The following TRIM14 variants were observed in gnomAD, a reference collection of about 807,000 sequenced individuals.
The protein encoded by TRIM14 is tripartite motif containing 14.
In TRIM14, 28 loss-of-function variants were observed where a neutral mutation model predicts 44.5. That is an observed-to-expected ratio of 0.63 (90% confidence interval 0.47 to 0.86). The LOEUF is 0.86. TRIM14 is among the 40% of genes least tolerant of loss of function. The pLI is 0.00. For synonymous variants in TRIM14, 299 were observed against 269.2 expected (o/e 1.11, Z -1.08); for missense variants, 607 against 611.1 (o/e 0.99, Z 0.07).
chr9:98,052,842 A>G, the TRIM14 span, among the ~76,000 whole-genome samples: 148 of 152,340 alleles, frequency 9.7e-4, no homozygotes, highest in African/African-American at 3.4e-3. Flanking sequence ...AGGACAGCCA[A>G]TATTTCTGGC....
At chr9:98,107,257 G>A (rs972947310) in intron 2 of TRIM14, among the ~76,000 whole-genome samples, 2 of 152,164 alleles carry the variant, frequency 1.3e-5, no homozygotes, top group Non-Finnish European at 2.9e-5. Context: ...ACAGGCAGGT[G>A]CCATATGACC....
At chr9:98,065,483 ATTTTTTTTTTTTTTT>A (rs397837187), downstream of TRIM14, among the ~76,000 whole-genome samples, 5 of 58,650 alleles carry the variant, frequency 8.5e-5, no homozygotes, top group Admixed American at 2.7e-4. Flanking sequence ...TGCCCAGCTA[ATTTTTTTTTTTTTTT>A]TTTTTTTTTT....
chr9:98,058,243 A>G, the TRIM14 span, among the ~76,000 whole-genome samples: 3 of 152,104 alleles, frequency 2.0e-5, no homozygotes, highest in African/African-American at 7.2e-5. Context: ...GACTGGTTTT[A>G]TGGAAACCTA....
intron 1 of TRIM14, among the ~76,000 whole-genome samples, chr9:98,111,420 C>CAAACA (rs143335537): frequency 0.11 from 16,606 of 151,228 alleles, 2,717 homozygotes; most frequent in African/African-American, 0.36. Context: ...CAAAAAACAA[C>CAAACA]AAACAAAACA....
At chr9:98,072,363 C>A (rs1829376053) in intron 6 of TRIM14, among the ~76,000 whole-genome samples, 1 of 151,884 alleles carries the variant, frequency 6.6e-6, no homozygotes, top group Non-Finnish European at 1.5e-5. Context: ...GCCTTTTGTC[C>A]CCAGCTAGTC....
At chr9:98,111,979 CATGTT>C (rs1485433049) in intron 1 of TRIM14, among the ~76,000 whole-genome samples, 1 of 151,928 alleles carries the variant, frequency 6.6e-6, no homozygotes, top group African/African-American at 2.4e-5. Context: ...AACTTAATAT[CATGTT>C]ATGTTAAATG....
chr9:98,050,457 C>G, the TRIM14 span, among the ~76,000 whole-genome samples: 3 of 152,134 alleles, frequency 2.0e-5, no homozygotes, highest in Non-Finnish European at 2.9e-5. Context: ...CTGGAACCTC[C>G]TGTTTACAGA....
intron 6 of TRIM14, among the ~76,000 whole-genome samples, chr9:98,078,950 T>C (rs765966359): frequency 5.9e-5 from 9 of 152,214 alleles, no homozygotes; most frequent in Non-Finnish European, 1.0e-4. Flanking sequence ...TATTCATCTT[T>C]TTTCATACTG....
At chr9:98,051,814 G>A in the TRIM14 span, among the ~76,000 whole-genome samples, 1 of 150,592 alleles carries the variant, frequency 6.6e-6, no homozygotes, top group Non-Finnish European at 1.5e-5. Context: ...TTCTACTGTG[G>A]ATTTCATTGC....
chr9:98,085,809 G>A lies in TRIM14; in HGVS notation c.*1661C>T, dbSNP rs1291511938. 1 of 152,142 alleles carries A rather than the reference G, an allele frequency of 6.6e-6. No homozygotes were observed. Among genetic ancestry groups the A allele is most frequent in the Admixed American group, 6.5e-5 (1 of 15,276 alleles). The allele number at this position is 152,142 out of a possible 1,614,324, so 9.4% of individuals were successfully genotyped here. ...TTTAACTCAAAAACTATTGAAAATT[G>A]TCAGTTTTATATGGTTCAAACTAAT... On this transcript the variant is annotated 3_prime_UTR_variant, in exon 6 of 6. Transcript: ENST00000341469.
At chr9:98,118,080 C>G (rs1057108835) in intron 1 of TRIM14, among the ~76,000 whole-genome samples, 1 of 152,086 alleles carries the variant, frequency 6.6e-6, no homozygotes, top group East Asian at 1.9e-4. Flanking sequence ...CGGAGAAAGG[C>G]TCACGATGGG....
intron 2 of TRIM14, among the ~76,000 whole-genome samples, chr9:98,105,793 G>C (rs1164612258): frequency 1.3e-5 from 2 of 152,144 alleles, no homozygotes; most frequent in African/African-American, 4.8e-5. Context: ...CCAGCTGAGA[G>C]TGGAAAGGAG....
chr9:98,043,540 G>C, the TRIM14 span, among the ~76,000 whole-genome samples: 5 of 151,908 alleles, frequency 3.3e-5, no homozygotes, highest in African/African-American at 1.2e-4. Context: ...AATTCAGAGA[G>C]GAAAAAGTCT....
At chr9:98,058,201 G>A in the TRIM14 span, among the ~76,000 whole-genome samples, 7 of 152,098 alleles carry the variant, frequency 4.6e-5, no homozygotes, top group African/African-American at 7.2e-5. Flanking sequence ...ACAGGTGTGA[G>A]CCACCACCCT....
intron 2 of TRIM14, among the ~76,000 whole-genome samples, chr9:98,108,983 T>A (rs944299759): frequency 3.3e-5 from 5 of 150,860 alleles, no homozygotes; most frequent in African/African-American, 1.2e-4. Context: ...GCTCAAGCGA[T>A]CTTCCCACCC....
chr9:98,056,131 T>C, the TRIM14 span, among the ~76,000 whole-genome samples: 5 of 152,170 alleles, frequency 3.3e-5, no homozygotes, highest in Admixed American at 2.6e-4. Flanking sequence ...GACAAGCCAG[T>C]GCAACTTCTC....
At chr9:98,060,803 A>G in the TRIM14 span, 3 of 1,614,190 alleles carry the variant, frequency 1.9e-6, no homozygotes, top group Non-Finnish European at 1.7e-6. Context: ...TGATTGTGCT[A>G]AGTTCCAGAA....
the TRIM14 span, among the ~76,000 whole-genome samples, chr9:98,049,029 A>G: frequency 6.6e-6 from 1 of 151,598 alleles, no homozygotes; most frequent in Non-Finnish European, 1.5e-5. Context: ...CAGAAAAAAA[A>G]AAAGAGTAAG....
chr9:98,050,394 CA>C, the TRIM14 span, among the ~76,000 whole-genome samples: 2 of 152,176 alleles, frequency 1.3e-5, no homozygotes, highest in Admixed American at 6.5e-5. Flanking sequence ...AACAGTAGAA[CA>C]GTGAGTTTTG....
Sources: allele counts gnomAD v4.1 joint callset (sites outside exome capture counted in the v4.1 genomes callset), GRCh38; gene constraint gnomAD v4.1.1; transcripts MANE v1.5; gene names NCBI Gene and HGNC (gene_info 2026-07-23, HGNC 2026-07-21).